The following BMP2K variants were observed in gnomAD, a reference collection of about 807,000 sequenced individuals.
BMP2K encodes BMP2 inducible kinase.
Under a neutral mutation model 116.0 loss-of-function variants are expected in BMP2K, and 74 were observed. The ratio of observed to expected loss-of-function variants is 0.64; its 90% CI spans 0.53 to 0.77. The LOEUF is 0.77. Among genes scored for constraint, BMP2K ranks in the 30% least tolerant of loss-of-function variants. The pLI is 0.00. For synonymous variants in BMP2K, 486 were observed against 502.5 expected (o/e 0.97, Z 0.44); for missense variants, 1,365 against 1,403.6 (o/e 0.97, Z 0.44).
intron 15 of BMP2K, among the ~76,000 whole-genome samples, chr4:78,888,438 G>A (rs754857744): frequency 6.6e-6 from 1 of 152,146 alleles, no homozygotes; most frequent in Non-Finnish European, 1.5e-5. Context: ...AGTATTCAAT[G>A]ACTTGAGATA....
At chr4:78,796,907 A>G (rs1034330882) in intron 1 of BMP2K, among the ~76,000 whole-genome samples, 12 of 152,198 alleles carry the variant, frequency 7.9e-5, no homozygotes, top group Non-Finnish European at 4.4e-5. Context: ...AAAAGTGGAT[A>G]TAAAGTAGGG....
In BMP2K at chr4:78,910,696, G is replaced by C. The variant is rs376419752; in HGVS notation, c.2149G>C (p.Ala717Pro). 2 of 1,611,446 alleles carry C rather than the reference G, an allele frequency of 1.2e-6. No homozygotes were observed. The highest frequency in any genetic ancestry group is 1.1e-5 in the South Asian group (1 of 90,380). Residue 717 changes from alanine (A) to proline (P), a missense_variant, in exon 16 of 16, where the codon GCA (alanine) becomes CCA (proline). By Grantham distance (27) the Ala-to-Pro change is conservative. This residue lies in a region of BMP2K where 596 missense variants were observed against 623.2 expected (regional missense o/e 0.96). Transcript: ENST00000502613. ...NPIKNGKTSP[A>P]SKDQRTGKKT... Reference sequence around the variant, plus strand: ...TATCAAGAACGGTAAAACAAGTCCAGCATCTAAAGATCAGCGGACTGGAAA... The same window carrying C: ...TATCAAGAACGGTAAAACAAGTCCACCATCTAAAGATCAGCGGACTGGAAA...
chr4:78,904,637 C>A (rs182709358), intron 15 of BMP2K, among the ~76,000 whole-genome samples: 1 of 152,002 alleles, frequency 6.6e-6, no homozygotes, highest in East Asian at 1.9e-4. Flanking sequence ...CAGACTCAAC[C>A]TCAAAAGATG....
At chr4:78,821,476 CTT>C (rs1265262388) in intron 1 of BMP2K, among the ~76,000 whole-genome samples, 2 of 152,152 alleles carry the variant, frequency 1.3e-5, no homozygotes, top group African/African-American at 4.8e-5. Context: ...AGGTGGGGGG[CTT>C]CTCTTTTCAG....
At chr4:78,802,043 C>T (rs1234869806) in intron 1 of BMP2K, among the ~76,000 whole-genome samples, 2 of 152,190 alleles carry the variant, frequency 1.3e-5, no homozygotes, top group Non-Finnish European at 2.9e-5. Flanking sequence ...TTTTTGTTAG[C>T]TTGAGAAGTC....
At chr4:78,792,013 A>G (rs569452564) in intron 1 of BMP2K, among the ~76,000 whole-genome samples, 4 of 152,176 alleles carry the variant, frequency 2.6e-5, no homozygotes, top group Non-Finnish European at 5.9e-5. Flanking sequence ...TTTTTGAGGA[A>G]TTGCCGCACT....
At chr4:78,854,569 G>A (rs545319173) in intron 7 of BMP2K, among the ~76,000 whole-genome samples, 22 of 151,956 alleles carry the variant, frequency 1.4e-4, no homozygotes, top group African/African-American at 5.3e-4. Flanking sequence ...CACTGCGCCC[G>A]GCCATGTATT....
intron 4 of BMP2K, among the ~76,000 whole-genome samples, chr4:78,843,910 T>C (rs1377515133): frequency 6.6e-6 from 1 of 151,940 alleles, no homozygotes; most frequent in Non-Finnish European, 1.5e-5. Context: ...GTGCTTTTTA[T>C]GTGTAAACTT....
chr4:78,832,751 T>C (rs1389996175), intron 2 of BMP2K, among the ~76,000 whole-genome samples: 2 of 152,056 alleles, frequency 1.3e-5, no homozygotes, highest in Non-Finnish European at 2.9e-5. Context: ...TTAGGGAGAT[T>C]AGTTCTTTAG....
chr4:78,815,588 T>G (rs868606622), intron 1 of BMP2K, among the ~76,000 whole-genome samples: 2 of 152,158 alleles, frequency 1.3e-5, no homozygotes, highest in Non-Finnish European at 2.9e-5. Context: ...TTGTTCTTTT[T>G]CTTCCAATTT....
rs139385456 is a variant in BMP2K, at chr4:78,833,778, C to T, written c.403+91C>T. 720 of 781,682 alleles carry T rather than the reference C, an allele frequency of 9.2e-4. 4 individuals carry two copies. The highest frequency in any genetic ancestry group is 3.1e-3 in the South Asian group (197 of 62,988). 48.4% of individuals were successfully genotyped at this position (781,682 alleles called of 1,614,324 possible). A position where few individuals can be genotyped will look rare whatever the true frequency, so the allele number is the denominator to read the frequency against. On this transcript the variant is annotated intron_variant, in intron 3 of 15. Coordinates refer to ENST00000502613, the MANE Select transcript of BMP2K (RefSeq NM_198892.2). ...TTGTTATTTCCAGGGTAGCTGCTAA[C>T]TAATTCTAGTCACTTATTGTAATCT... is the stretch of plus-strand genomic sequence containing the variant.
chr4:78,838,736 G>A (rs1730613936), intron 3 of BMP2K, among the ~76,000 whole-genome samples: 1 of 152,204 alleles, frequency 6.6e-6, no homozygotes, highest in South Asian at 2.1e-4. Context: ...TGTACAGAGA[G>A]TAAAACAATA....
intron 15 of BMP2K, among the ~76,000 whole-genome samples, chr4:78,906,430 G>A (rs987655816): frequency 1.3e-5 from 2 of 152,118 alleles, no homozygotes; most frequent in African/African-American, 4.8e-5. Flanking sequence ...CGTACTATTT[G>A]CAGATGTAAC....
intron 7 of BMP2K, among the ~76,000 whole-genome samples, chr4:78,857,662 C>T (rs953755887): frequency 2.6e-5 from 4 of 152,080 alleles, no homozygotes; most frequent in African/African-American, 9.7e-5. Context: ...GGCCACTAGT[C>T]CATACTGATA....
chr4:78,861,330 A>C lies in BMP2K; in HGVS notation c.988-59A>C, dbSNP rs546739831. Reference sequence around the variant, plus strand: ...CAATGATATATCCATAGCTTACAAAAACTTTCTGCAATTAAAATAAAAAAC... The same window carrying C: ...CAATGATATATCCATAGCTTACAAACACTTTCTGCAATTAAAATAAAAAAC... On this transcript the variant is annotated intron_variant, in intron 8 of 15. Transcript: ENST00000502613. The C allele has an allele frequency of 1.0e-4, 141 of 1,393,136 alleles. 3 individuals are homozygous for C. In the South Asian group the frequency reaches 1.5e-3, roughly 15 times the overall value. 86.3% of individuals were successfully genotyped at this position (1,393,136 alleles called of 1,614,324 possible).
intron 1 of BMP2K, among the ~76,000 whole-genome samples, chr4:78,818,032 T>C (rs1221994670): frequency 6.6e-6 from 1 of 152,168 alleles, no homozygotes; most frequent in East Asian, 1.9e-4. Context: ...GAGGCATTCA[T>C]TTAGATCTTA....
intron 2 of BMP2K, 127 bp from the exon 3 acceptor site, chr4:78,833,455 A>G (rs1021307787): frequency 3.5e-6 from 2 of 566,362 alleles, no homozygotes; most frequent in Non-Finnish European, 5.9e-6. Flanking sequence ...GAAATATGTT[A>G]GATTCTGTAC....
intron 7 of BMP2K, among the ~76,000 whole-genome samples, chr4:78,857,273 C>G (rs1015386804): frequency 2.0e-5 from 3 of 152,038 alleles, no homozygotes; most frequent in African/African-American, 7.2e-5. Flanking sequence ...TACAGTTAGA[C>G]TAAACTGGCT....
intron 1 of BMP2K, among the ~76,000 whole-genome samples, chr4:78,825,048 C>CA (rs1466014875): frequency 6.6e-6 from 1 of 151,912 alleles, no homozygotes; most frequent in Non-Finnish European, 1.5e-5. Context: ...ACTGAAAATA[C>CA]AAAAAATTAG....
Sources: gnomAD v4.1 joint callset for allele counts (sites outside exome capture counted in the v4.1 genomes callset) on GRCh38, gnomAD v4.1.1 for gene constraint, gnomAD v4.1.1 regional missense constraint, MANE v1.5 for transcripts, NCBI Gene and HGNC (gene_info 2026-07-23, HGNC 2026-07-21) for gene names.